Variants in HERC3 observed in about 807,000 individuals in gnomAD.
The protein encoded by HERC3 is HECT and RLD domain containing E3 ubiquitin protein ligase 3.
A neutral mutation model predicts 129.9 loss-of-function variants in HERC3; 58 were observed. The observed-to-expected ratio is 0.45, with a 90% confidence interval of 0.36 to 0.56. HERC3 has a LOEUF of 0.56. Ranked by LOEUF, HERC3 falls within the 20% of genes least tolerant of loss-of-function variation. The pLI is 0.00. For synonymous variants in HERC3, 430 were observed against 451.0 expected (o/e 0.95, Z 0.59); for missense variants, 835 against 1,244.2 (o/e 0.67, Z 4.95).
At chr4:88,583,365 G>A in the HERC3 span, among the ~76,000 whole-genome samples, 1 of 151,830 alleles carries the variant, frequency 6.6e-6, no homozygotes, top group African/African-American at 2.4e-5. Flanking sequence ...GAACCCAGGA[G>A]GTGGAGGTTG....
the HERC3 span, among the ~76,000 whole-genome samples, chr4:88,585,187 C>T: frequency 6.6e-6 from 1 of 152,184 alleles, no homozygotes; most frequent in Non-Finnish European, 1.5e-5. Context: ...GCTCAACTCT[C>T]ATGATGTAAT....
chr4:88,650,261 G>A (rs1011078061), intron 4 of HERC3, among the ~76,000 whole-genome samples: 4 of 152,102 alleles, frequency 2.6e-5, no homozygotes, highest in Non-Finnish European at 4.4e-5. Context: ...CCTGGCAGTC[G>A]ATAAATGTTT....
rs145277878 is a variant in HERC3, at chr4:88,706,913, C to T, written c.3106C>T (p.Arg1036Trp). Reference protein sequence around the residue: ...KYSSKEILSARLTQALDNYEG... With the variant: ...KYSSKEILSAWLTQALDNYEG... ...CAGCAGCAAAGAGATTCTGAGTGCC[C>T]GGCTGACCCAGGCCCTTGACAACTA... The change falls in exon 26 of 26, where the codon CGG (arginine) becomes TGG (tryptophan). Residue 1036 changes from arginine to tryptophan, a missense_variant. By Grantham distance (101) the Arg-to-Trp change is moderately radical. Coordinates refer to ENST00000402738, the MANE Select transcript of HERC3 (RefSeq NM_014606.3). 5 of 1,614,040 alleles carry T rather than the reference C, an allele frequency of 3.1e-6. No homozygotes were observed. The highest frequency in any genetic ancestry group is 2.2e-5 in the East Asian group (1 of 44,890).
intron 21 of HERC3, 130 bp from the exon 22 acceptor site, chr4:88,686,606 T>G: frequency 3.3e-6 from 2 of 606,914 alleles, no homozygotes; most frequent in Non-Finnish European, 3.0e-6. Context: ...TCCGTCCGGA[T>G]TTATGTTTAT....
chr4:88,539,945 C>G, the HERC3 span, among the ~76,000 whole-genome samples: 44 of 152,162 alleles, frequency 2.9e-4, no homozygotes, highest in African/African-American at 1.0e-3. Context: ...TCACCAACAA[C>G]AAAGACCAAA....
chr4:88,629,060 A>G (rs1471792337), intron 3 of HERC3, among the ~76,000 whole-genome samples: 1 of 152,186 alleles, frequency 6.6e-6, no homozygotes, highest in Non-Finnish European at 1.5e-5. Context: ...AATCCCAGCC[A>G]CTTGGGAGAC....
intron 8 of HERC3, among the ~76,000 whole-genome samples, chr4:88,655,663 C>T (rs1030524482): frequency 6.6e-6 from 1 of 152,176 alleles, no homozygotes; most frequent in Non-Finnish European, 1.5e-5. Context: ...GATCATTCAG[C>T]TCTTTCCTGA....
At chr4:88,560,288 G>C in the HERC3 span, among the ~76,000 whole-genome samples, 1 of 152,030 alleles carries the variant, frequency 6.6e-6, no homozygotes, top group Non-Finnish European at 1.5e-5. Context: ...CATCCTAAGG[G>C]GTGTGAGGTG....
At chr4:88,649,817 C>T in intron 3 of HERC3, 23 bp from the exon 4 acceptor site, 2 of 1,606,748 alleles carry the variant, frequency 1.2e-6, no homozygotes, top group Non-Finnish European at 1.7e-6. Context: ...GTACATTTTC[C>T]TCCTCCAATT....
At chr4:88,572,581 T>A in the HERC3 span, among the ~76,000 whole-genome samples, 1 of 151,994 alleles carries the variant, frequency 6.6e-6, no homozygotes, top group Non-Finnish European at 1.5e-5. Context: ...GAGGCCAAGG[T>A]GGGTGTATCA....
intron 3 of HERC3, among the ~76,000 whole-genome samples, chr4:88,627,436 A>G (rs1726224415): frequency 6.6e-6 from 1 of 152,174 alleles, no homozygotes; most frequent in Admixed American, 6.5e-5. Flanking sequence ...GATTATTTGA[A>G]GTATATAGGA....
At position 88,652,621 on chromosome 4, in the gene HERC3, A is replaced by T. The variant is rs546190307; in HGVS notation, c.464-248A>T. ...CCTGTCCGAAATTGAATTTACTTAT[A>T]CATTTAATATTTTCTGTGTATAAAT... On this transcript the variant is annotated intron_variant, in intron 5 of 25. Coordinates refer to ENST00000402738, the MANE Select transcript of HERC3 (RefSeq NM_014606.3). Among the ~76,000 whole-genome samples, 15 of 152,270 alleles carry T rather than the reference A, an allele frequency of 9.9e-5. No individual in the cohort carries two copies. In the South Asian group the frequency reaches 2.5e-3, roughly 25 times the overall value.
the HERC3 span, among the ~76,000 whole-genome samples, chr4:88,549,629 G>A: frequency 2.0e-5 from 3 of 151,988 alleles, no homozygotes; most frequent in African/African-American, 4.8e-5. Flanking sequence ...CCATGTTGAC[G>A]CAAAGGACAT....
chr4:88,641,698 G>A (rs1728106955), intron 3 of HERC3, among the ~76,000 whole-genome samples: 1 of 152,184 alleles, frequency 6.6e-6, no homozygotes, highest in African/African-American at 2.4e-5. Flanking sequence ...ACATTTAACA[G>A]CTTGGATCAA....
rs1486880144 is a variant in HERC3, at chr4:88,707,070, G to C, written c.*110G>C. On this transcript the variant is annotated 3_prime_UTR_variant, in exon 26 of 26. Coordinates refer to ENST00000402738, the MANE Select transcript of HERC3 (RefSeq NM_014606.3). Reference sequence around the variant, plus strand: ...ATTTTTTTATTGTCTAAGTGGGTTGGGACTTTTAAATACTGAGCCTGGTTG... The same window carrying C: ...ATTTTTTTATTGTCTAAGTGGGTTGCGACTTTTAAATACTGAGCCTGGTTG... The C allele has an allele frequency of 1.2e-6, 1 of 855,614 alleles. No individual in the cohort carries two copies. The highest frequency in any genetic ancestry group is 1.7e-5 in the South Asian group (1 of 59,222). The allele number at this position is 855,614 out of a possible 1,614,324, so 53.0% of individuals were successfully genotyped here.
At chr4:88,696,827 T>G (rs1734646902) in intron 23 of HERC3, 1 of 189,716 alleles carries the variant, frequency 5.3e-6, no homozygotes. Context: ...ACGTGTTCAG[T>G]CATGGCTTGG....
chr4:88,559,487 A>G, the HERC3 span, among the ~76,000 whole-genome samples: 36 of 152,196 alleles, frequency 2.4e-4, no homozygotes, highest in Admixed American at 5.9e-4. Flanking sequence ...ATCTCTGTAT[A>G]GTTGTTGTTT....
chr4:88,674,108 C>G lies in HERC3; in HGVS notation c.1912-2110C>G, dbSNP rs144037461. On this transcript the variant is annotated intron_variant, in intron 16 of 25. Coordinates refer to ENST00000402738, the MANE Select transcript of HERC3 (RefSeq NM_014606.3). ...CCCTTCTCCAGTAGAAAGATCAGCC[C>G]GCTTCCAAATCTGGGTTCCTTCACC... 1.4e-4 allele frequency among the ~76,000 whole-genome samples: 21 copies of G among 152,228 alleles called. No individual in the cohort carries two copies. The East Asian group carries it at 3.5e-3, about 25-fold the overall frequency.
At chr4:88,563,942 G>A in the HERC3 span, among the ~76,000 whole-genome samples, 1 of 152,158 alleles carries the variant, frequency 6.6e-6, no homozygotes, top group African/African-American at 2.4e-5. Context: ...ACAGGCGTGA[G>A]CCACCATGCC....
Sources: gnomAD v4.1 joint callset for allele counts (sites outside exome capture counted in the v4.1 genomes callset) on GRCh38, gnomAD v4.1.1 for gene constraint, MANE v1.5 for transcripts, NCBI Gene and HGNC (gene_info 2026-07-23, HGNC 2026-07-21) for gene names.